The following CNTN4 variants were observed in gnomAD, a reference collection of about 807,000 sequenced individuals.
The protein encoded by CNTN4 is contactin-4.
Under a neutral mutation model 122.5 loss-of-function variants are expected in CNTN4, and 77 were observed. That is an observed-to-expected ratio of 0.63 (90% CI 0.52 to 0.76). The LOEUF is 0.76. Among genes scored for constraint, CNTN4 ranks in the 30% least tolerant of loss-of-function variants. The pLI, the probability that CNTN4 is intolerant of heterozygous loss-of-function variation, is 0.00. For synonymous variants in CNTN4, 512 were observed against 447.0 expected (o/e 1.15, Z -1.83); for missense variants, 1,256 against 1,259.1 (o/e 1.00, Z 0.04).
At chr3:2,111,612 T>C (rs1449303310) in intron 2 of CNTN4, among the ~76,000 whole-genome samples, 1 of 152,174 alleles carries the variant, frequency 6.6e-6, no homozygotes, top group Non-Finnish European at 1.5e-5. Flanking sequence ...GTGATTCATA[T>C]CCTGTCTCTA....
chr3:2,994,837 A>G (rs1162886393), intron 14 of CNTN4, among the ~76,000 whole-genome samples: 2 of 152,188 alleles, frequency 1.3e-5, no homozygotes, highest in Non-Finnish European at 2.9e-5. Flanking sequence ...TCAAGGCTTT[A>G]TACAGATTTG....
chr3:2,389,031 T>A (rs1468846391), intron 3 of CNTN4, among the ~76,000 whole-genome samples: 6 of 151,474 alleles, frequency 4.0e-5, no homozygotes, highest in Non-Finnish European at 8.8e-5. Flanking sequence ...CGTGGTGGTG[T>A]GTGCCTGTAA....
chr3:2,312,040 A>G (rs1210621775), intron 2 of CNTN4, among the ~76,000 whole-genome samples: 2 of 152,012 alleles, frequency 1.3e-5, no homozygotes, highest in South Asian at 2.1e-4. Flanking sequence ...TTGATACGAT[A>G]AAACTTTTTT....
chr3:2,951,053 A>T (rs1339865560), intron 13 of CNTN4, among the ~76,000 whole-genome samples: 1 of 152,242 alleles, frequency 6.6e-6, no homozygotes, highest in African/African-American at 2.4e-5. Context: ...CAATGGTGAT[A>T]ATAATGGTAA....
chr3:3,054,779 A>G (rs1701633518), intron 24 of CNTN4, among the ~76,000 whole-genome samples: 1 of 152,214 alleles, frequency 6.6e-6, no homozygotes. Context: ...CTGGTTGCAC[A>G]ACACTGGAGT....
chr3:2,541,762 A>T (rs914939919), intron 3 of CNTN4, among the ~76,000 whole-genome samples: 1 of 152,114 alleles, frequency 6.6e-6, no homozygotes, highest in Admixed American at 6.6e-5. Context: ...GGGCAAAAAT[A>T]TGTGCTGAGG....
intron 14 of CNTN4, among the ~76,000 whole-genome samples, chr3:2,997,994 T>C (rs1370902286): frequency 1.3e-5 from 2 of 152,194 alleles, no homozygotes; most frequent in Admixed American, 6.5e-5. Context: ...TGCTTATAAA[T>C]GTAAGTAAAG....
At chr3:3,005,745 A>AC (rs775337440) in intron 14 of CNTN4, among the ~76,000 whole-genome samples, 2 of 151,408 alleles carry the variant, frequency 1.3e-5, no homozygotes, top group Non-Finnish European at 2.9e-5. Flanking sequence ...TTCATGAGGG[A>AC]TCTACCCTCA....
At chr3:2,353,047 C>T (rs1559479027) in intron 3 of CNTN4, among the ~76,000 whole-genome samples, 1 of 152,044 alleles carries the variant, frequency 6.6e-6, no homozygotes, top group Middle Eastern at 3.2e-3. Flanking sequence ...TGTAAACGTG[C>T]CAATCAGTGC....
chr3:2,236,063 T>TA (rs1049914714), intron 2 of CNTN4, among the ~76,000 whole-genome samples: 7 of 152,286 alleles, frequency 4.6e-5, no homozygotes, highest in African/African-American at 1.4e-4. Flanking sequence ...TGAGGGATGT[T>TA]AAGTAAGTGC....
intron 2 of CNTN4, among the ~76,000 whole-genome samples, chr3:2,257,094 T>G (rs1453983737): frequency 6.6e-6 from 1 of 152,140 alleles, no homozygotes; most frequent in Non-Finnish European, 1.5e-5. Flanking sequence ...AACAGATACA[T>G]AGACCAATGG....
At chr3:2,746,659 A>T (rs2089785727) in intron 6 of CNTN4, among the ~76,000 whole-genome samples, 1 of 152,218 alleles carries the variant, frequency 6.6e-6, no homozygotes, top group African/African-American at 2.4e-5. Context: ...CATTAACAAA[A>T]TCCTCTCCAG....
chr3:2,456,543 C>G (rs1419083803), intron 3 of CNTN4, among the ~76,000 whole-genome samples: 1 of 152,116 alleles, frequency 6.6e-6, no homozygotes, highest in Non-Finnish European at 1.5e-5. Flanking sequence ...ACTTCCAACC[C>G]TAGCAAACAC....
intron 4 of CNTN4, among the ~76,000 whole-genome samples, chr3:2,601,922 G>T (rs2149750580): frequency 6.6e-6 from 1 of 152,160 alleles, no homozygotes; most frequent in East Asian, 1.9e-4. Flanking sequence ...TCCCTGGGAT[G>T]CAAGGCTGAT....
At chr3:2,427,129 T>G (rs1012629770) in intron 3 of CNTN4, among the ~76,000 whole-genome samples, 38 of 152,186 alleles carry the variant, frequency 2.5e-4, no homozygotes, top group African/African-American at 6.3e-4. Context: ...GAATGTGTTT[T>G]CTCTTGCTTC....
chr3:2,417,894 A>G (rs770210950), intron 3 of CNTN4, among the ~76,000 whole-genome samples: 2 of 152,230 alleles, frequency 1.3e-5, no homozygotes, highest in African/African-American at 2.4e-5. Context: ...AAAAAGCTAT[A>G]TACTTTATTA....
chr3:2,888,438 C>A (rs1357343206), intron 10 of CNTN4, among the ~76,000 whole-genome samples: 1 of 151,994 alleles, frequency 6.6e-6, no homozygotes, highest in Non-Finnish European at 1.5e-5. Flanking sequence ...ACCACCAACA[C>A]AGAATGGTTC....
At chr3:3,040,926 T>G (rs1269243667) in intron 20 of CNTN4, 1 of 106,448 alleles carries the variant, frequency 9.4e-6, no homozygotes, top group African/African-American at 5.9e-5. Context: ...AAACTCCATC[T>G]CAAAAAAAAA....
chr3:2,224,130 G>T (rs1017777099), intron 2 of CNTN4, among the ~76,000 whole-genome samples: 1 of 152,096 alleles, frequency 6.6e-6, no homozygotes, highest in African/African-American at 2.4e-5. Context: ...TTTACAAAAG[G>T]ACAGCTTTTC....
Sources: allele counts gnomAD v4.1 joint callset (sites outside exome capture counted in the v4.1 genomes callset), GRCh38; gene constraint gnomAD v4.1.1; transcripts MANE v1.5; gene names NCBI Gene and HGNC (gene_info 2026-07-23, HGNC 2026-07-21).